CD177: variants seen among roughly 807,000 people sequenced by gnomAD.
CD177 encodes CD177 molecule.
CD177 carries 41 observed loss-of-function variants against 38.1 expected under a neutral mutation model. The observed-to-expected ratio is 1.07, with a 90% confidence interval of 0.84 to 1.39. The LOEUF is 1.39. Among genes scored for constraint, CD177 ranks in the 40% most tolerant of loss-of-function variants. The pLI, the probability that CD177 is intolerant of heterozygous loss-of-function variation, is 0.00. For missense variants in CD177, 619 were observed against 523.8 expected, an observed-to-expected ratio of 1.18 and a Z score of -1.77; for synonymous variants, 236 against 216.7, an observed-to-expected ratio of 1.09 and a Z score of -0.78.
chr19:43,355,104 C>CT (rs1156547437), intron 3 of CD177, among the ~76,000 whole-genome samples: 5,178 of 26,820 alleles, frequency 0.19, 1,098 homozygotes, highest in East Asian at 0.43. Context: ...CTTTTCTTTT[C>CT]TTTTTTTTTT....
In CD177 at chr19:43,362,307, G is replaced by A; in HGVS notation, c.1301G>A (p.Cys434Tyr). Residue 434 changes from cysteine (C) to tyrosine (Y), a missense_variant, in exon 9 of 9, where the codon TGC becomes TAC. By Grantham distance (194) the Cys-to-Tyr change is radical. Transcript: ENST00000618265. The stretch of plus-strand genomic sequence containing the variant: ...CCAGCGCTGTGGTGGGGAGTGGTTT[G>A]CCCTTCCTGCTAACTCTATTACCCC... ...LAPALWWGVVCPSC is the reference protein window; with the variant it reads ...LAPALWWGVVYPSC 1.3e-6 allele frequency: 2 copies of A among 1,521,582 alleles called. No homozygotes were observed. The highest frequency in any genetic ancestry group is 9.1e-7 in the Non-Finnish European group (1 of 1,104,710). The allele number at this position is 1,521,582 out of a possible 1,614,324, so 94.3% of individuals were successfully genotyped here.
At chr19:43,360,076 C>T (rs1242859693) in intron 5 of CD177, among the ~76,000 whole-genome samples, 189 bp from the exon 6 acceptor site, 1 of 151,846 alleles carries the variant, frequency 6.6e-6, no homozygotes, top group Non-Finnish European at 1.5e-5. Context: ...GGTGTTCAAG[C>T]AGAAACAGGG....
chr19:43,360,845 T>A, intron 6 of CD177: 1 of 535,432 alleles, frequency 1.9e-6, no homozygotes, highest in East Asian at 3.0e-5. Context: ...CAGAGAAATC[T>A]GGCAAGGAAA....
In CD177 at chr19:43,362,193, G is replaced by A. The variant is rs771307102; in HGVS notation, c.1187G>A (p.Arg396His). 50 of 1,613,300 alleles carry A rather than the reference G, an allele frequency of 3.1e-5. No homozygotes were observed. Among genetic ancestry groups the A allele is most frequent in the Admixed American group, 2.2e-4 (13 of 59,976 alleles). ...QIGIFSAREK[R>H]DVQPPASQHE... is the part of the protein sequence containing the mutation. ...GGGATCTTCTCTGCGCGTGAGAAGC[G>A]TGATGTGCAGCCTCCTGCCTCTCAG... The change falls in exon 9 of 9, where the codon CGT becomes CAT. Residue 396 changes from arginine (R) to histidine (H), a missense_variant. Transcript: ENST00000618265.
Position 43,361,273 on chromosome 19 carries a change from C to G in CD177, c.891C>G (p.Asp297Glu). Residue 297 changes from aspartate to glutamate, a missense_variant, in exon 7 of 9, where the codon GAC (aspartate) becomes GAG (glutamate). Asp to Glu is a conservative substitution (Grantham distance 45, BLOSUM62 2). Transcript: ENST00000618265. ...VASYTHFCSSDLCNSASSSSV... is the reference protein window; with the variant it reads ...VASYTHFCSSELCNSASSSSV... The stretch of plus-strand genomic sequence containing the variant: ...CCTATACCCACTTCTGCTCCTCGGA[C>G]CTGTGCAATAGTGCCAGCAGCAGCA... The G allele has an allele frequency of 2.6e-6, 4 of 1,547,724 alleles. No individual in the cohort carries two copies.
chr19:43,363,584 G>A (rs927807661), downstream of CD177, among the ~76,000 whole-genome samples: 6 of 152,150 alleles, frequency 3.9e-5, no homozygotes, highest in African/African-American at 1.4e-4. Context: ...GTCTCCAGTT[G>A]AGGTTCCCCA....
At chr19:43,359,919 G>C (rs1969935899) in intron 5 of CD177, among the ~76,000 whole-genome samples, 1 of 148,612 alleles carries the variant, frequency 6.7e-6, no homozygotes, top group Non-Finnish European at 1.5e-5. Context: ...AAAGGTCTCA[G>C]GCTGCCTTCC....
At position 43,362,242 on chromosome 19, in the gene CD177, C is replaced by A. The variant is rs1001220105; in HGVS notation, c.1236C>A (p.Gly412=). ...AGCATGAGGGAGGTGGGGCTGAGGG[C>A]CTGGAGTCTCTCACTTGGGGGGTGG... The part of the protein sequence containing the change: ...ASQHEGGGAE[G]LESLTWGVGL... The change falls in exon 9 of 9, where the codon GGC becomes GGA. Residue 412 remains glycine, a synonymous_variant. Transcript: ENST00000618265. The A allele has an allele frequency of 2.5e-6, 4 of 1,610,150 alleles. No homozygotes were observed. The African/African-American group carries it at 5.3e-5, about 22-fold the overall frequency.
chr19:43,354,461 T>C (rs1969893854), intron 3 of CD177, 69 bp downstream of exon 3: 28 of 1,527,176 alleles, frequency 1.8e-5, no homozygotes, highest in Non-Finnish European at 2.4e-5. Flanking sequence ...ACAGAGGGGC[T>C]GTTACGGAGT....
chr19:43,362,453 C>T lies in CD177; in HGVS notation c.*133C>T, dbSNP rs796688964. On this transcript the variant is annotated 3_prime_UTR_variant, in exon 9 of 9. Coordinates refer to ENST00000618265, the MANE Select transcript of CD177 (RefSeq NM_020406.4). ...ATGAATCATCTTCCCCACACACAAT[C>T]ATTCATATCTACTCACCTAACAGCA... The T allele has an allele frequency of 5.2e-6, 3 of 577,322 alleles. No individual in the cohort carries two copies. The highest frequency in any genetic ancestry group is 3.7e-5 in the African/African-American group (2 of 53,520). The allele number at this position is 577,322 out of a possible 1,614,324, so 35.8% of individuals were successfully genotyped here. A position where few individuals can be genotyped will look rare whatever the true frequency, so the allele number is the denominator to read the frequency against.
In CD177 at chr19:43,355,746, C is replaced by T; in HGVS notation, c.465C>T (p.Thr155=). 1 of 1,613,124 alleles carries T rather than the reference C, an allele frequency of 6.2e-7. No individual in the cohort carries two copies. The highest frequency in any genetic ancestry group is 8.5e-7 in the Non-Finnish European group (1 of 1,179,462). Reference sequence around the variant, plus strand: ...CAGAAGAGATCTGCCCCAAGGGGACCACACACTGTTATGATGGCCTCCTCA... The same window carrying T: ...CAGAAGAGATCTGCCCCAAGGGGACTACACACTGTTATGATGGCCTCCTCA... The part of the protein sequence containing the change: ...GTTEEICPKG[T]THCYDGLLRL... Residue 155 remains threonine (T), a synonymous_variant, in exon 4 of 9, where the codon ACC becomes ACT. Coordinates refer to ENST00000618265, the MANE Select transcript of CD177 (RefSeq NM_020406.4).
Position 43,363,135 on chromosome 19 carries a change from A to T in CD177, c.*815A>T, listed in dbSNP as rs187068927. The T allele has an allele frequency of 3.2e-4, 49 of 152,302 alleles. No individual in the cohort carries two copies. The highest frequency in any genetic ancestry group is 2.8e-3 in the Admixed American group (43 of 15,298). The allele number at this position is 152,302 out of a possible 1,614,324, so 9.4% of individuals were successfully genotyped here. A position where few individuals can be genotyped will look rare whatever the true frequency, so the allele number is the denominator to read the frequency against. On this transcript the variant is annotated 3_prime_UTR_variant, in exon 9 of 9. Transcript: ENST00000618265. ...CATCTACACACATCTAAACATAGAA[A>T]AGGTACAGCATAAATACACTATTGT...
chr19:43,353,975 T>A lies in CD177; in HGVS notation c.175T>A (p.Leu59Met), dbSNP rs372882731. 6.2e-7 allele frequency: 1 copy of A among 1,613,744 alleles called. No homozygotes were observed. Among genetic ancestry groups the A allele is most frequent in the Non-Finnish European group, 8.5e-7 (1 of 1,179,800 alleles). ...CDSGLGCQDT[L>M]MLIESGPQVS... ...CAGCGGCTTGGGGTGCCAGGACACG[T>A]TGATGCTCATTGAGAGCGGTGAGAA... Residue 59 changes from leucine (L) to methionine (M), a missense_variant, in exon 2 of 9, where the codon TTG becomes ATG. Transcript: ENST00000618265.
chr19:43,362,173 C>A lies in CD177; in HGVS notation c.1167C>A (p.Ile389=), dbSNP rs1227193263. ...FLLNHTRQIG[I]FSAREKRDVQ... is the part of the protein sequence containing the mutation. ...TGAACCACACCAGACAAATCGGGAT[C>A]TTCTCTGCGCGTGAGAAGCGTGATG... Residue 389 remains isoleucine (I), a synonymous_variant, in exon 9 of 9, where the codon ATC becomes ATA. Transcript: ENST00000618265. The A allele has an allele frequency of 6.2e-7, 1 of 1,613,530 alleles. No homozygotes were observed. Among genetic ancestry groups the A allele is most frequent in the Non-Finnish European group, 8.5e-7 (1 of 1,179,726 alleles).
intron 5 of CD177, among the ~76,000 whole-genome samples, chr19:43,359,970 C>T (rs1969936495): frequency 6.6e-6 from 1 of 151,038 alleles, no homozygotes; most frequent in Admixed American, 6.6e-5. Flanking sequence ...GATGGGGAAG[C>T]AGAGATGGGA....
rs548752042 is a variant in CD177, at chr19:43,360,428, C to T, written c.760+23C>T. 415 of 1,569,572 alleles carry T rather than the reference C, an allele frequency of 2.6e-4. No homozygotes were observed. In the South Asian group the frequency reaches 3.6e-3, roughly 14 times the overall value. On this transcript the variant is annotated intron_variant, in intron 6 of 8. Transcript: ENST00000618265. ...TAGGTACGTGGACTGAGGTAGAAGACGAACACCTGTCCCAAGTCCCTGGCA... is the reference window on the plus strand; with the variant it reads ...TAGGTACGTGGACTGAGGTAGAAGATGAACACCTGTCCCAAGTCCCTGGCA...
intron 3 of CD177, among the ~76,000 whole-genome samples, chr19:43,354,834 C>A (rs1351792047): frequency 6.6e-6 from 1 of 152,080 alleles, no homozygotes; most frequent in East Asian, 1.9e-4. Context: ...TTTTGCGCTT[C>A]TTTTATTGGA....
chr19:43,361,008 ATGACCCAGCAGTTG>A, intron 6 of CD177, 121 bp from the exon 7 acceptor site: 1 of 616,910 alleles, frequency 1.6e-6, no homozygotes, highest in Non-Finnish European at 3.0e-6. Context: ...CACACTAAAC[ATGACCCAGCAGTTG>A]TGATCAGGGC....
At chr19:43,361,750 G>A (rs1166733646) in intron 8 of CD177, among the ~76,000 whole-genome samples, 171 bp downstream of exon 8, 81 of 146,720 alleles carry the variant, frequency 5.5e-4, no homozygotes, top group Non-Finnish European at 5.5e-4. Flanking sequence ...CCTGGTCTGA[G>A]GGAGGAGGCG....
Sources: allele counts gnomAD v4.1 joint callset (sites outside exome capture counted in the v4.1 genomes callset), GRCh38; gene constraint gnomAD v4.1.1; transcripts MANE v1.5; gene names NCBI Gene and HGNC (gene_info 2026-07-23, HGNC 2026-07-21).